Variants in ZCWPW2 observed in about 807,000 individuals in gnomAD.
ZCWPW2 encodes the protein zinc finger CW-type PWWP domain protein 2.
Under a neutral mutation model 46.6 loss-of-function variants are expected in ZCWPW2, and 45 were observed. The ratio of observed to expected loss-of-function variants is 0.96; its 90% CI spans 0.76 to 1.24. ZCWPW2 has a LOEUF of 1.24. Among genes scored for constraint, ZCWPW2 ranks in the 50% most tolerant of loss-of-function variants. The pLI is 0.00. For synonymous variants in ZCWPW2, 152 were observed against 137.1 expected, an observed-to-expected ratio of 1.11 and a Z score of -0.76; for missense variants, 429 against 403.9, an observed-to-expected ratio of 1.06 and a Z score of -0.53.
intron 6 of ZCWPW2, among the ~76,000 whole-genome samples, chr3:28,498,132 C>T (rs145435982): frequency 1.5e-3 from 221 of 151,784 alleles, no homozygotes; most frequent in East Asian, 0.013. Context: ...AAAATAAGGA[C>T]TAAAAAACAA....
At chr3:28,425,261 C>G (rs73825158) in intron 3 of ZCWPW2, among the ~76,000 whole-genome samples, 3,989 of 152,186 alleles carry the variant, frequency 0.026, 153 homozygotes, top group African/African-American at 0.085. Context: ...GCTAATTTGT[C>G]ACATATATTC....
chr3:28,447,741 C>T, intron 4 of ZCWPW2: 3 of 635,778 alleles, frequency 4.7e-6, no homozygotes, highest in Non-Finnish European at 2.9e-6. Context: ...CAGCATTTGA[C>T]ATACCATCGT....
intron 3 of ZCWPW2, among the ~76,000 whole-genome samples, chr3:28,431,794 G>A (rs1697268953): frequency 6.6e-6 from 1 of 152,190 alleles, no homozygotes; most frequent in South Asian, 2.1e-4. Context: ...GCCTGTATTA[G>A]TTTGTTCTCA....
chr3:28,498,546 A>T (rs1343002323), intron 6 of ZCWPW2, among the ~76,000 whole-genome samples: 2 of 152,066 alleles, frequency 1.3e-5, no homozygotes, highest in Non-Finnish European at 2.9e-5. Context: ...TTTTCTTCCA[A>T]ATTTCTCCTT....
chr3:28,452,747 G>A (rs1043989584), intron 4 of ZCWPW2, among the ~76,000 whole-genome samples: 5 of 152,168 alleles, frequency 3.3e-5, no homozygotes, highest in Non-Finnish European at 7.3e-5. Flanking sequence ...GGAAGTAACA[G>A]GTTAAATATA....
chr3:28,396,336 ATTATT>A (rs1437567115), intron 2 of ZCWPW2, among the ~76,000 whole-genome samples: 1 of 152,190 alleles, frequency 6.6e-6, no homozygotes, highest in African/African-American at 2.4e-5. Context: ...TATCGTTAGA[ATTATT>A]TTATTAATCA....
intron 4 of ZCWPW2, among the ~76,000 whole-genome samples, chr3:28,467,843 A>G (rs967328462): frequency 1.3e-5 from 2 of 152,214 alleles, no homozygotes; most frequent in African/African-American, 4.8e-5. Flanking sequence ...AAGCTTTCCC[A>G]AAAACAGCAG....
In ZCWPW2 at chr3:28,478,815, C is replaced by A; in HGVS notation, c.494C>A (p.Pro165Gln). The part of the protein sequence containing the change: ...FVGHYSITLK[P>Q]EKCKNKKKWY... ...TTTCTTTTTTCTGTATTTATATAGC[C>A]AGAAAAGTGTAAGAATAAAAAGAAG... The change falls in exon 5 of 10, where the codon CCA becomes CAA. Residue 165 changes from proline to glutamine, a missense_variant and splice_region_variant. By Grantham distance (76) the Pro-to-Gln change is moderately conservative. Transcript: ENST00000383768. 3 of 1,503,848 alleles carry A rather than the reference C, an allele frequency of 2.0e-6. No homozygotes were observed. The highest frequency in any genetic ancestry group is 1.8e-6 in the Non-Finnish European group (2 of 1,125,090). The allele number at this position is 1,503,848 out of a possible 1,614,324, so 93.2% of individuals were successfully genotyped here. A position where few individuals can be genotyped will look rare whatever the true frequency, so the allele number is the denominator to read the frequency against.
chr3:28,505,634 G>T (rs1013856102), intron 6 of ZCWPW2, among the ~76,000 whole-genome samples: 1 of 152,072 alleles, frequency 6.6e-6, no homozygotes, highest in Non-Finnish European at 1.5e-5. Context: ...ATTCTAAGCA[G>T]ATTTTTCAAA....
intron 9 of ZCWPW2, 74 bp from the exon 10 acceptor site, chr3:28,524,453 T>G (rs1185759971): frequency 2.0e-6 from 3 of 1,504,620 alleles, no homozygotes; most frequent in Non-Finnish European, 2.7e-6. Flanking sequence ...GCTTGCAGAA[T>G]TACTACTTTA....
intron 1 of ZCWPW2, among the ~76,000 whole-genome samples, chr3:28,350,086 T>C (rs1156966708): frequency 1.3e-5 from 2 of 152,232 alleles, no homozygotes. Context: ...GGCTGGAGAA[T>C]GGAAGAGAGC....
intron 2 of ZCWPW2, among the ~76,000 whole-genome samples, chr3:28,396,406 C>A (rs745808274): frequency 1.3e-5 from 2 of 152,034 alleles, no homozygotes; most frequent in Non-Finnish European, 2.9e-5. Context: ...TTCTTTTAAT[C>A]CTGTTAATAC....
intron 3 of ZCWPW2, among the ~76,000 whole-genome samples, chr3:28,433,345 A>G (rs900501733): frequency 1.4e-4 from 21 of 152,172 alleles, no homozygotes; most frequent in African/African-American, 4.8e-4. Flanking sequence ...CATGACTGTG[A>G]TCTAATCTAG....
At chr3:28,354,030 C>T (rs528845308) in intron 1 of ZCWPW2, among the ~76,000 whole-genome samples, 27 of 152,200 alleles carry the variant, frequency 1.8e-4, no homozygotes, top group African/African-American at 5.5e-4. Flanking sequence ...ATGTGCCAGA[C>T]GCTGTTTTAG....
intron 6 of ZCWPW2, among the ~76,000 whole-genome samples, chr3:28,505,526 A>G (rs1056026746): frequency 3.3e-5 from 5 of 152,170 alleles, no homozygotes; most frequent in African/African-American, 1.2e-4. Flanking sequence ...ATCATTGTCT[A>G]GGCCCAAAGA....
At chr3:28,518,205 CTTT>C (rs71091004) in intron 8 of ZCWPW2, among the ~76,000 whole-genome samples, 3,839 of 129,830 alleles carry the variant, frequency 0.03, 171 homozygotes, top group African/African-American at 0.1. Context: ...TCTTTCATTT[CTTT>C]TTTTTTTTTT....
chr3:28,380,175 G>A (rs921148441), intron 1 of ZCWPW2, among the ~76,000 whole-genome samples: 3 of 151,794 alleles, frequency 2.0e-5, no homozygotes, highest in African/African-American at 4.8e-5. Flanking sequence ...TAGTAGACAC[G>A]GGGTTTCACC....
At chr3:28,515,532 A>T (rs367799661) in intron 7 of ZCWPW2, 22 bp from the exon 8 acceptor site, 19 of 1,557,222 alleles carry the variant, frequency 1.2e-5, no homozygotes, top group Non-Finnish European at 1.5e-5. Context: ...TTGAAACTAA[A>T]TCTGTCAAAT....
intron 3 of ZCWPW2, among the ~76,000 whole-genome samples, chr3:28,425,862 C>A (rs1161928153): frequency 6.6e-6 from 1 of 152,144 alleles, no homozygotes; most frequent in Non-Finnish European, 1.5e-5. Context: ...GTAATCCCAG[C>A]ACTTTGGGAG....
Sources: gnomAD v4.1 joint callset for allele counts (sites outside exome capture counted in the v4.1 genomes callset) on GRCh38, gnomAD v4.1.1 for gene constraint, MANE v1.5 for transcripts, NCBI Gene and HGNC (gene_info 2026-07-23, HGNC 2026-07-21) for gene names.